Variants in MTA3 observed in about 807,000 individuals in gnomAD.
MTA3 encodes the protein metastasis associated 1 family member 3, also known as metastasis-associated protein MTA3.
MTA3 carries 34 observed loss-of-function variants against 83.5 expected under a neutral mutation model. The observed-to-expected ratio is 0.41, with a 90% CI of 0.31 to 0.54. The LOEUF (loss-of-function observed/expected upper bound fraction) is 0.54. Ranked by LOEUF, MTA3 falls within the 20% of genes least tolerant of loss-of-function variation. The pLI, the probability that MTA3 is intolerant of heterozygous loss-of-function variation, is 0.33. For missense variants in MTA3, 761 were observed against 726.4 expected (o/e 1.05, Z -0.55); for synonymous variants, 303 against 252.7 (o/e 1.20, Z -1.89).
At chr2:42,543,578 T>G (rs887669937) in intron 2 of MTA3, among the ~76,000 whole-genome samples, 3 of 151,860 alleles carry the variant, frequency 2.0e-5, no homozygotes, top group African/African-American at 4.8e-5. Flanking sequence ...CTGGAACTCC[T>G]GGACTCAAGC....
At chr2:42,658,143 C>A (rs1406189198) in intron 7 of MTA3, among the ~76,000 whole-genome samples, 5 of 147,050 alleles carry the variant, frequency 3.4e-5, no homozygotes, top group African/African-American at 1.3e-4. Flanking sequence ...AATACCACTG[C>A]CAATCCACCA....
intron 4 of MTA3, among the ~76,000 whole-genome samples, chr2:42,618,794 A>G (rs964802408): frequency 2.6e-5 from 4 of 152,028 alleles, no homozygotes; most frequent in South Asian, 2.1e-4. Flanking sequence ...TTTTTTTGGT[A>G]GAGTTCGGGT....
At position 42,504,207 on chromosome 2, in the gene MTA3, G is replaced by A. The variant is rs144684335; in HGVS notation, c.-141+8953G>A. ...GGCCTCCCAAAGTGCTGGGTTTACA[G>A]GCGTGAGCTACCACACCCAGCCATG... On this transcript the variant is annotated intron_variant, in intron 2 of 17. Transcript: ENST00000405592. 3.2e-3 allele frequency among the ~76,000 whole-genome samples: 486 copies of A among 152,082 alleles called. 23 individuals carry two copies. The East Asian group carries it at 0.083, about 26-fold the overall frequency.
In MTA3 at chr2:42,682,577, AC is replaced by A; in HGVS notation, c.880del (p.Arg294GlyfsTer10). 6.2e-7 allele frequency: 1 copy of A among 1,610,474 alleles called. No homozygotes were observed. Among genetic ancestry groups the A allele is most frequent in the South Asian group, 1.1e-5 (1 of 90,122 alleles). On this transcript the variant is annotated frameshift_variant, in exon 9 of 17. Transcript: ENST00000405094. LOFTEE classifies it high-confidence loss of function. Reference sequence around the variant, plus strand: ...AATATGGCAAAGACTTCAATGACATACGGCAAGATTTTGTAAGTAGAAAATT... The same window carrying A: ...AATATGGCAAAGACTTCAATGACATAGGCAAGATTTTGTAAGTAGAAAATT... ...EKYGKDFNDI[R>X]QDFLPWKSLT... is the part of the protein sequence containing the mutation.
chr2:42,582,533 A>G (rs1679790036), intron 3 of MTA3, among the ~76,000 whole-genome samples: 1 of 152,100 alleles, frequency 6.6e-6, no homozygotes, highest in Non-Finnish European at 1.5e-5. Flanking sequence ...CATGCTTGTA[A>G]TCTCACCATT....
At chr2:42,633,078 C>T (rs1298156515) in intron 4 of MTA3, among the ~76,000 whole-genome samples, 3 of 151,802 alleles carry the variant, frequency 2.0e-5, no homozygotes, top group East Asian at 1.9e-4. Flanking sequence ...TCCTGGCCAA[C>T]ATGGTGAAAT....
rs1356166818 is a variant in MTA3, at chr2:42,731,905, C to A, written c.1759+8870C>A. Among the ~76,000 whole-genome samples the A allele has an allele frequency of 4.6e-5, 7 of 152,290 alleles. No individual in the cohort carries two copies. In the East Asian group the frequency reaches 1.2e-3, roughly 25 times the overall value. On this transcript the variant is annotated intron_variant, in intron 16 of 16. Transcript: ENST00000405094. ...CAGGTATTGGGTAAATACAGCCGTTCCAAATGGGAGAAATTGGCCAAAACA... is the reference window on the plus strand; with the variant it reads ...CAGGTATTGGGTAAATACAGCCGTTACAAATGGGAGAAATTGGCCAAAACA...
chr2:42,664,960 A>G (rs1690093331), intron 8 of MTA3, among the ~76,000 whole-genome samples: 1 of 152,348 alleles, frequency 6.6e-6, no homozygotes, highest in East Asian at 1.9e-4. Flanking sequence ...GAAATCTGTT[A>G]TGAATATAGT....
chr2:42,704,381 G>A (rs1665882820), intron 12 of MTA3, 63 bp downstream of exon 12: 26 of 1,596,574 alleles, frequency 1.6e-5, no homozygotes, highest in Non-Finnish European at 1.9e-5. Context: ...GGGTGTGAGC[G>A]TCTGGGAAGT....
intron 2 of MTA3, among the ~76,000 whole-genome samples, chr2:42,523,205 C>A (rs1675502834): frequency 6.6e-6 from 1 of 152,152 alleles, no homozygotes; most frequent in African/African-American, 2.4e-5. Flanking sequence ...TGTCAGTTGA[C>A]TTCCCTGCCA....
At chr2:42,614,836 A>G (rs1347034160) in intron 4 of MTA3, among the ~76,000 whole-genome samples, 1 of 151,970 alleles carries the variant, frequency 6.6e-6, no homozygotes, top group Non-Finnish European at 1.5e-5. Flanking sequence ...TTAGCATGGC[A>G]TGGCAGCGTA....
intron 2 of MTA3, among the ~76,000 whole-genome samples, chr2:42,524,472 GTTTTTTTTTTTTTTT>G (rs58288129): frequency 2.8e-5 from 2 of 70,666 alleles, no homozygotes; most frequent in African/African-American, 1.1e-4. Context: ...GGCTAGTTGT[GTTTTTTTTTTTTTTT>G]TTTTTTTTTG....
At chr2:42,623,945 T>G (rs1685831279) in intron 4 of MTA3, among the ~76,000 whole-genome samples, 1 of 152,130 alleles carries the variant, frequency 6.6e-6, no homozygotes, top group South Asian at 2.1e-4. Context: ...CCACCGACCT[T>G]AGGTGTGATC....
chr2:42,623,573 T>C (rs1318998112), intron 4 of MTA3, among the ~76,000 whole-genome samples: 1 of 152,172 alleles, frequency 6.6e-6, no homozygotes, highest in East Asian at 1.9e-4. Flanking sequence ...TTCTCTTTCT[T>C]TTTCCTTGGC....
intron 6 of MTA3, among the ~76,000 whole-genome samples, chr2:42,649,406 C>G (rs1350467722): frequency 6.6e-6 from 1 of 150,834 alleles, no homozygotes; most frequent in Non-Finnish European, 1.5e-5. Context: ...GAGTGTGACT[C>G]CCTCTCCAAA....
At chr2:42,544,365 G>A (rs571508422) in intron 2 of MTA3, among the ~76,000 whole-genome samples, 4 of 151,374 alleles carry the variant, frequency 2.6e-5, no homozygotes, top group Admixed American at 6.6e-5. Context: ...AGAATCGCTC[G>A]AACCCAGGAG....
At chr2:42,499,211 A>G (rs1674284027) in intron 2 of MTA3, among the ~76,000 whole-genome samples, 1 of 149,978 alleles carries the variant, frequency 6.7e-6, no homozygotes, top group Non-Finnish European at 1.5e-5. Flanking sequence ...CTTTTTGCCT[A>G]GGCTGGAGTG....
intron 3 of MTA3, among the ~76,000 whole-genome samples, chr2:42,588,852 T>C (rs1247513208): frequency 6.6e-6 from 1 of 152,096 alleles, no homozygotes; most frequent in East Asian, 1.9e-4. Context: ...TTTATATACA[T>C]ATAAAGAGAT....
Position 42,659,708 on chromosome 2 carries a change from A to C in MTA3, c.603-55A>C, listed in dbSNP as rs928298046. ...AAATGTGTTTTTTAAAACGTTAAAAAAACAAACCAAAACAGATACTTAATT... is the reference window on the plus strand; with the variant it reads ...AAATGTGTTTTTTAAAACGTTAAAACAACAAACCAAAACAGATACTTAATT... On this transcript the variant is annotated intron_variant, in intron 7 of 16. Coordinates refer to ENST00000405094, the MANE Select transcript of MTA3 (RefSeq NM_001330442.2). 26 of 1,342,860 alleles carry C rather than the reference A, an allele frequency of 1.9e-5. No individual in the cohort carries two copies. In the Middle Eastern group the frequency reaches 2.3e-3, roughly 119 times the overall value. 83.2% of individuals were successfully genotyped at this position (1,342,860 alleles called of 1,614,324 possible).
Sources: gnomAD v4.1 joint callset for allele counts (sites outside exome capture counted in the v4.1 genomes callset) on GRCh38, gnomAD v4.1.1 for gene constraint, MANE v1.5 for transcripts, NCBI Gene and HGNC (gene_info 2026-07-23, HGNC 2026-07-21) for gene names.